The following ERICH6 variants were observed in gnomAD, a reference collection of about 807,000 sequenced individuals.
ERICH6 encodes the protein glutamate rich 6.
A neutral mutation model predicts 71.0 loss-of-function variants in ERICH6; 71 were observed. That is an observed-to-expected ratio of 1.00 (90% CI 0.83 to 1.22). The LOEUF is 1.22. Among genes scored for constraint, ERICH6 ranks in the 50% most tolerant of loss-of-function variants. ERICH6 has a pLI of 0.00. For missense variants in ERICH6, 808 were observed against 797.2 expected, an observed-to-expected ratio of 1.01 and a Z score of -0.16; for synonymous variants, 262 against 278.4, an observed-to-expected ratio of 0.94 and a Z score of 0.59.
intron 13 of ERICH6, among the ~76,000 whole-genome samples, chr3:150,664,654 A>G (rs942009618): frequency 6.6e-6 from 1 of 152,066 alleles, no homozygotes; most frequent in Non-Finnish European, 1.5e-5. Context: ...CTGAAAAAAA[A>G]AAAAGATGTA....
At position 150,685,989 on chromosome 3, in the gene ERICH6, G is replaced by T; in HGVS notation, c.643C>A (p.Leu215Ile). ...ACCTCCAGCTCATATAAAATATTTA[G>T]TTTCGACTCTTCTGGATTAATTACC... Reference protein sequence around the residue: ...KWVINPEESKLNILYELEFKE... With the variant: ...KWVINPEESKINILYELEFKE... The change falls in exon 5 of 14, where the codon CTA (leucine) becomes ATA (isoleucine). Residue 215 changes from leucine to isoleucine, a missense_variant. Physicochemically the swap from Leu to Ile is conservative, Grantham distance 5. This residue lies in a region of ERICH6 where 736 missense variants were observed against 712.2 expected (regional missense o/e 1.03). Transcript: ENST00000295910. The T allele has an allele frequency of 6.2e-7, 1 of 1,603,846 alleles. No homozygotes were observed. Among genetic ancestry groups the T allele is most frequent in the Middle Eastern group, 1.7e-4 (1 of 6,030 alleles).
chr3:150,666,520 G>A (rs6808787), intron 13 of ERICH6, among the ~76,000 whole-genome samples: 31,916 of 152,028 alleles, frequency 0.21, 4,847 homozygotes, highest in African/African-American at 0.43. Flanking sequence ...TAAACCCCCA[G>A]AGCAGCACTA....
At chr3:150,703,445 G>T (rs769566526) in intron 1 of ERICH6, 51 bp downstream of exon 1, 1 of 1,500,988 alleles carries the variant, frequency 6.7e-7, no homozygotes, top group Admixed American at 2.3e-5. Context: ...TGGACCAGGT[G>T]CCCCCTGGAG....
At chr3:150,661,385 T>G (rs1216614529) in intron 13 of ERICH6, among the ~76,000 whole-genome samples, 1 of 152,164 alleles carries the variant, frequency 6.6e-6, no homozygotes, top group East Asian at 1.9e-4. Context: ...CTTCTACCCC[T>G]TAGCATCTGA....
intron 11 of ERICH6, among the ~76,000 whole-genome samples, chr3:150,671,638 A>T (rs914095271): frequency 1.3e-5 from 2 of 151,958 alleles, no homozygotes; most frequent in African/African-American, 4.8e-5. Context: ...TATTTATTTA[A>T]TTTTTTGAGA....
intron 13 of ERICH6, among the ~76,000 whole-genome samples, chr3:150,660,737 G>A (rs1432206373): frequency 6.6e-6 from 1 of 152,204 alleles, no homozygotes; most frequent in African/African-American, 2.4e-5. Flanking sequence ...AAATGGATTT[G>A]CCAGGACAGT....
In ERICH6 at chr3:150,680,465, C is replaced by T. The variant is rs1294608153; in HGVS notation, c.1111+3G>A. On this transcript the variant is annotated splice_donor_region_variant and intron_variant, in intron 9 of 13. Transcript: ENST00000295910. ...TCTATAAGATCAGCACTAATGAACT[C>T]ACCATCTTCAGAGAAATGAGTCTGT... is the stretch of plus-strand genomic sequence containing the variant. 1.9e-6 allele frequency: 3 copies of T among 1,613,966 alleles called. No individual in the cohort carries two copies. The African/African-American group carries it at 4.0e-5, about 22-fold the overall frequency.
chr3:150,663,768 G>A (rs562043631), intron 13 of ERICH6, among the ~76,000 whole-genome samples: 21 of 152,190 alleles, frequency 1.4e-4, no homozygotes, highest in African/African-American at 3.9e-4. Flanking sequence ...ATAAGCCACC[G>A]CGCCTGGCCT....
chr3:150,672,455 G>A (rs751809305), intron 11 of ERICH6, among the ~76,000 whole-genome samples: 1 of 150,958 alleles, frequency 6.6e-6, no homozygotes, highest in African/African-American at 2.4e-5. Flanking sequence ...AAAATTAGCT[G>A]GGCGTGGTGG....
intron 9 of ERICH6, 116 bp downstream of exon 9, chr3:150,680,352 G>A (rs1711854604): frequency 1.9e-6 from 2 of 1,060,368 alleles, no homozygotes; most frequent in Admixed American, 2.1e-5. Flanking sequence ...ACAGGCGTGA[G>A]CCACTGCACC....
chr3:150,681,571 A>G (rs1290111235), intron 7 of ERICH6, among the ~76,000 whole-genome samples: 1 of 152,178 alleles, frequency 6.6e-6, no homozygotes, highest in Non-Finnish European at 1.5e-5. Context: ...TAGGAATAGA[A>G]CTGATGGGTC....
intron 13 of ERICH6, among the ~76,000 whole-genome samples, chr3:150,663,156 G>A (rs72616690): frequency 0.11 from 16,186 of 152,124 alleles, 1,364 homozygotes; most frequent in East Asian, 0.46. Context: ...ATAGACTTTG[G>A]GAAGGCCAGA....
At chr3:150,681,893 C>T (rs112115855) in intron 7 of ERICH6, among the ~76,000 whole-genome samples, 5 of 143,228 alleles carry the variant, frequency 3.5e-5, no homozygotes, top group South Asian at 2.2e-4. Flanking sequence ...TGGCTCACTG[C>T]GACCTCCGTC....
intron 6 of ERICH6, 124 bp downstream of exon 6, chr3:150,685,618 A>G: frequency 1.2e-6 from 1 of 814,240 alleles, no homozygotes; most frequent in Non-Finnish European, 1.9e-6. Flanking sequence ...ATTCTAAGTA[A>G]TTGAGCTCTT....
intron 11 of ERICH6, among the ~76,000 whole-genome samples, chr3:150,673,690 A>G (rs1711545959): frequency 6.6e-6 from 1 of 152,070 alleles, no homozygotes; most frequent in African/African-American, 2.4e-5. Flanking sequence ...CTGAGCCCAG[A>G]TGATCCTTCT....
chr3:150,669,415 G>A lies in ERICH6; in HGVS notation c.1380C>T (p.Pro460=), dbSNP rs1711497038. Residue 460 remains proline, a synonymous_variant, in exon 12 of 14, where the codon CCC becomes CCT. Transcript: ENST00000295910. ...PSGNLAIIRV[P]NKVNGFTCIV... ...TACAAGTAAAACCATTTACCTTGTTGGGCACTCGAATGATGGCTAGGTTTC... is the reference window on the plus strand; with the variant it reads ...TACAAGTAAAACCATTTACCTTGTTAGGCACTCGAATGATGGCTAGGTTTC... 1.9e-6 allele frequency: 3 copies of A among 1,613,476 alleles called. No individual in the cohort carries two copies. Among genetic ancestry groups the A allele is most frequent in the Admixed American group, 1.7e-5 (1 of 59,908 alleles).
At chr3:150,665,682 C>G (rs1727387546) in intron 13 of ERICH6, among the ~76,000 whole-genome samples, 1 of 150,890 alleles carries the variant, frequency 6.6e-6, no homozygotes, top group Admixed American at 6.6e-5. Context: ...CAAAAATTAG[C>G]CGGGCATGGT....
intron 11 of ERICH6, among the ~76,000 whole-genome samples, chr3:150,671,121 A>G (rs939079435): frequency 6.6e-6 from 1 of 152,172 alleles, no homozygotes; most frequent in African/African-American, 2.4e-5. Context: ...TTTTTAGGTC[A>G]GGTAAATTAT....
intron 12 of ERICH6, 51 bp from the exon 13 acceptor site, chr3:150,667,066 T>C: frequency 6.6e-7 from 1 of 1,512,828 alleles, no homozygotes; most frequent in Non-Finnish European, 9.1e-7. Context: ...TGTAATTAAA[T>C]ACTGGAATTA....
Sources: allele counts gnomAD v4.1 joint callset (sites outside exome capture counted in the v4.1 genomes callset), GRCh38; gene constraint gnomAD v4.1.1; regional missense constraint gnomAD v4.1.1; transcripts MANE v1.5; gene names NCBI Gene and HGNC (gene_info 2026-07-23, HGNC 2026-07-21).